PHF2: variants seen among roughly 807,000 people sequenced by gnomAD.
The protein encoded by PHF2 is lysine-specific demethylase PHF2.
PHF2 carries 27 observed loss-of-function variants against 120.5 expected under a neutral mutation model. That is an observed-to-expected ratio of 0.22 (90% CI 0.17 to 0.31). PHF2 has a LOEUF of 0.31. PHF2 is among the 10% of genes least tolerant of loss of function. The pLI, the probability that PHF2 is intolerant of heterozygous loss-of-function variation, is 1.00. For missense variants in PHF2, 1,024 were observed against 1,434.8 expected (o/e 0.71, Z 4.63); for synonymous variants, 568 against 592.5 (o/e 0.96, Z 0.60).
chr9:93,586,754 C>T lies in PHF2; in HGVS notation c.98+9883C>T, dbSNP rs182404319. On this transcript the variant is annotated intron_variant, in intron 1 of 21. Coordinates refer to ENST00000359246, the MANE Select transcript of PHF2 (RefSeq NM_005392.4). ...CTCAGTCTGTCCATCTAGCTGGTGACGTTTCCTGAACACCAGGGGAGACCA... is the reference window on the plus strand; with the variant it reads ...CTCAGTCTGTCCATCTAGCTGGTGATGTTTCCTGAACACCAGGGGAGACCA... 2.7e-3 allele frequency among the ~76,000 whole-genome samples: 411 copies of T among 152,338 alleles called. 2 individuals are homozygous for T. The highest frequency in any genetic ancestry group is 9.4e-3 in the African/African-American group (391 of 41,580).
In PHF2 at chr9:93,673,646, C is replaced by G; in HGVS notation, c.2410C>G (p.Leu804Val). The change falls in exon 18 of 22, where the codon CTG (leucine) becomes GTG (valine). Residue 804 changes from leucine (L) to valine (V), a missense_variant. Leu to Val is a conservative substitution (Grantham distance 32). Around this residue, in one of 2 missense-constraint regions of PHF2, gnomAD observed 677 missense variants for 857.4 expected, o/e 0.79. Transcript: ENST00000359246. ...AIQGMLSMANLQASDSCLQTT... is the reference protein window; with the variant it reads ...AIQGMLSMANVQASDSCLQTT... ...TCAGGGAATGCTGTCCATGGCCAACCTGCAGGCCTCCGACTCCTGCCTGCA... is the reference window on the plus strand; with the variant it reads ...TCAGGGAATGCTGTCCATGGCCAACGTGCAGGCCTCCGACTCCTGCCTGCA... 1.9e-6 allele frequency: 3 copies of G among 1,608,958 alleles called. No individual in the cohort carries two copies. The highest frequency in any genetic ancestry group is 2.5e-6 in the Non-Finnish European group (3 of 1,176,900).
chr9:93,648,991 T>G (rs1319672723), intron 4 of PHF2, 80 bp from the exon 5 acceptor site: 13 of 1,482,500 alleles, frequency 8.8e-6, no homozygotes, highest in South Asian at 1.2e-5. Context: ...CAAGAGTGTG[T>G]GTCCACTCCA....
intron 1 of PHF2, among the ~76,000 whole-genome samples, chr9:93,615,813 G>A (rs1825721536): frequency 6.6e-6 from 1 of 152,192 alleles, no homozygotes; most frequent in African/African-American, 2.4e-5. Context: ...TGGAGACAGG[G>A]GTCCTCAGCC....
chr9:93,587,302 C>CGG (rs1564371852), intron 1 of PHF2, among the ~76,000 whole-genome samples: 4 of 101,408 alleles, frequency 3.9e-5, no homozygotes, highest in African/African-American at 1.2e-4. Context: ...TGAGGGATGA[C>CGG]AGAGGAGCCC....
chr9:93,602,232 G>A (rs1825453639), intron 1 of PHF2, among the ~76,000 whole-genome samples: 1 of 135,342 alleles, frequency 7.4e-6, no homozygotes, highest in African/African-American at 2.7e-5. Context: ...AAGTCATTTT[G>A]CATTCCTAGA....
intron 1 of PHF2, among the ~76,000 whole-genome samples, chr9:93,611,180 C>CTGA (rs200878384): frequency 0.01 from 1,536 of 152,258 alleles, 33 homozygotes; most frequent in African/African-American, 0.036. Context: ...CTTTGGGAGG[C>CTGA]TGAGGTGGGT....
intron 5 of PHF2, among the ~76,000 whole-genome samples, chr9:93,651,907 T>G (rs2117921698): frequency 6.6e-6 from 1 of 152,222 alleles, no homozygotes; most frequent in Admixed American, 6.5e-5. Flanking sequence ...TGAGGGCCCT[T>G]GTGGCAGGGA....
At chr9:93,595,235 C>T (rs184604748) in intron 1 of PHF2, among the ~76,000 whole-genome samples, 136 of 152,198 alleles carry the variant, frequency 8.9e-4, no homozygotes, top group African/African-American at 3.3e-3. Flanking sequence ...ACTTGGGTAC[C>T]TACTGATGCC....
At chr9:93,599,251 C>T (rs1435602801) in intron 1 of PHF2, among the ~76,000 whole-genome samples, 2 of 152,210 alleles carry the variant, frequency 1.3e-5, no homozygotes, top group African/African-American at 4.8e-5. Flanking sequence ...TTTTTACCGT[C>T]ATCGTCTTCA....
chr9:93,662,895 C>A lies in PHF2; in HGVS notation c.1699-12C>A. 6.2e-7 allele frequency: 1 copy of A among 1,613,730 alleles called. No homozygotes were observed. The highest frequency in any genetic ancestry group is 8.5e-7 in the Non-Finnish European group (1 of 1,179,810). The stretch of plus-strand genomic sequence containing the variant: ...ATGTCTGCCTCTGGGTCACAGCAGC[C>A]CTTTTTTCTAGGCCACAAAGAGTGT... On this transcript the variant is annotated splice_polypyrimidine_tract_variant and intron_variant, in intron 12 of 21. Transcript: ENST00000359246.
At position 93,665,719 on chromosome 9, in the gene PHF2, T is replaced by C; in HGVS notation, c.1971T>C (p.Gly657=). 6.2e-7 allele frequency: 1 copy of C among 1,613,170 alleles called. No individual in the cohort carries two copies. The change falls in exon 15 of 22, where the codon GGT becomes GGC. Residue 657 remains glycine, a synonymous_variant. Coordinates refer to ENST00000359246, the MANE Select transcript of PHF2 (RefSeq NM_005392.4). ...SKALRPPTSP[G]VFGALQNFKE... ...CTCTCAGGCCCCCGACGAGCCCTGGTGTGTTCGGGGCCTTGCAGAACTTCA... is the reference window on the plus strand; with the variant it reads ...CTCTCAGGCCCCCGACGAGCCCTGGCGTGTTCGGGGCCTTGCAGAACTTCA...
intron 20 of PHF2, 78 bp from the exon 21 acceptor site, chr9:93,676,516 G>A: frequency 1.3e-6 from 2 of 1,514,720 alleles, no homozygotes; most frequent in Non-Finnish European, 1.8e-6. Flanking sequence ...CCCCTGGCAA[G>A]GCCATGCCGG....
In PHF2 at chr9:93,576,723, C is replaced by T. The variant is rs774156314; in HGVS notation, c.-51C>T. The T allele has an allele frequency of 1.8e-5, 17 of 929,664 alleles. No homozygotes were observed. The South Asian group carries it at 4.2e-4, about 23-fold the overall frequency. 57.6% of individuals were successfully genotyped at this position (929,664 alleles called of 1,614,324 possible). On this transcript the variant is annotated 5_prime_UTR_variant, in exon 1 of 22. Transcript: ENST00000359246. Reference sequence around the variant, plus strand: ...GGCCCGGCCCCCGGCCCGGCCCGGACCGACCCGGGCAGCGCAGCGGCGGGG... The same window carrying T: ...GGCCCGGCCCCCGGCCCGGCCCGGATCGACCCGGGCAGCGCAGCGGCGGGG...
rs2131608286 is a variant in PHF2 at position 93,593,842 on chromosome 9, T to G, written c.98+16971T>G. ...GTCAACCAATTAAAATGGAAGACGG[T>G]CTAGGAGGGAATATGCCAACATGTT... On this transcript the variant is annotated intron_variant, in intron 1 of 21. Transcript: ENST00000359246. 2.0e-5 allele frequency among the ~76,000 whole-genome samples: 3 copies of G among 152,308 alleles called. No individual in the cohort carries two copies. In the Middle Eastern group the frequency reaches 0.01, roughly 522 times the overall value.
chr9:93,608,216 G>A (rs1422036434), intron 1 of PHF2, among the ~76,000 whole-genome samples: 1 of 152,010 alleles, frequency 6.6e-6, no homozygotes, highest in Admixed American at 6.6e-5. Context: ...CTAGCTACTC[G>A]GGAGGCTAAG....
intron 1 of PHF2, among the ~76,000 whole-genome samples, chr9:93,585,684 A>G (rs1350015389): frequency 3.3e-5 from 5 of 152,244 alleles, no homozygotes; most frequent in African/African-American, 1.2e-4. Context: ...TGGGGCTGCC[A>G]GACTCAGGCA....
At position 93,678,540 on chromosome 9, in the gene PHF2, GACTTACGGTCGGC is replaced by G. The variant is rs1826964174; in HGVS notation, c.*869_*881del. On this transcript the variant is annotated 3_prime_UTR_variant, in exon 22 of 22. Coordinates refer to ENST00000359246, the MANE Select transcript of PHF2 (RefSeq NM_005392.4). ...AGGGACAGTGGCCAGGCGGCCCGAG[GACTTACGGTCGGC>G]ACTTCTCTGTTCTCCCGTGTCAGCG... 1 of 152,546 alleles carries G rather than the reference GACTTACGGTCGGC, an allele frequency of 6.6e-6. No homozygotes were observed. The highest frequency in any genetic ancestry group is 6.5e-5 in the Admixed American group (1 of 15,294). The allele number at this position is 152,546 out of a possible 1,614,324, so 9.4% of individuals were successfully genotyped here.
At position 93,668,680 on chromosome 9, in the gene PHF2, C is replaced by T. The variant is rs138119198; in HGVS notation, c.2348+1440C>T. Among the ~76,000 whole-genome samples the T allele has an allele frequency of 2.9e-3, 446 of 152,258 alleles. 4 individuals carry two copies. Among genetic ancestry groups the T allele is most frequent in the African/African-American group, 9.7e-3 (403 of 41,536 alleles). On this transcript the variant is annotated intron_variant, in intron 17 of 21. Transcript: ENST00000359246. ...AGGAGGCGCTGTGTCCTGGGCTCCC[C>T]GCTGTGAATCTGAGCCCAGGAGTAG...
At chr9:93,615,111 G>T (rs562714468) in intron 1 of PHF2, among the ~76,000 whole-genome samples, 2 of 151,934 alleles carry the variant, frequency 1.3e-5, no homozygotes, top group African/African-American at 4.8e-5. Flanking sequence ...TAAAGATGGT[G>T]ATGGTGATGG....
Sources: gnomAD v4.1 joint callset for allele counts (sites outside exome capture counted in the v4.1 genomes callset) on GRCh38, gnomAD v4.1.1 for gene constraint, gnomAD v4.1.1 regional missense constraint, MANE v1.5 for transcripts, NCBI Gene and HGNC (gene_info 2026-07-23, HGNC 2026-07-21) for gene names.